The following EXOC6 variants were observed in gnomAD, a reference collection of about 807,000 sequenced individuals.
The protein encoded by EXOC6 is exocyst complex component 6.
EXOC6 carries 60 observed loss-of-function variants against 112.5 expected under a neutral mutation model. The observed-to-expected ratio is 0.53, with a 90% CI of 0.43 to 0.66. The LOEUF is 0.66. Among genes scored for constraint, EXOC6 ranks in the 30% least tolerant of loss-of-function variants. EXOC6 has a pLI of 0.00. For synonymous variants in EXOC6, 295 were observed against 308.0 expected, an observed-to-expected ratio of 0.96 and a Z score of 0.44; for missense variants, 855 against 957.1, an observed-to-expected ratio of 0.89 and a Z score of 1.41.
intron 1 of EXOC6, among the ~76,000 whole-genome samples, chr10:92,881,291 C>T (rs1310951173): frequency 6.6e-6 from 1 of 152,184 alleles, no homozygotes; most frequent in Non-Finnish European, 1.5e-5. Flanking sequence ...TTTGAAGTCA[C>T]ATAGTGTCAC....
At position 92,896,119 on chromosome 10, in the gene EXOC6, ATGTGTG is replaced by A. The variant is rs1198813076; in HGVS notation, c.412+1113_412+1118del. ...TGTGTGTATATATATGTGTATATAT[ATGTGTG>A]TGTGTGTGTGTGTATGTATGTGTAT... On this transcript the variant is annotated intron_variant, in intron 4 of 21. Coordinates refer to ENST00000260762, the MANE Select transcript of EXOC6 (RefSeq NM_019053.6). Among the ~76,000 whole-genome samples the A allele has an allele frequency of 3.7e-4, 8 of 21,706 alleles. 1 individual carries two copies. The highest frequency in any genetic ancestry group is 3.7e-3 in the Admixed American group (5 of 1,360). The allele number at this position is 21,706 out of a possible 152,430, so 14.2% of individuals were successfully genotyped here.
chr10:92,963,004 T>C (rs1854101934), intron 17 of EXOC6, among the ~76,000 whole-genome samples: 1 of 152,182 alleles, frequency 6.6e-6, no homozygotes. Context: ...TTGTATCAGT[T>C]TGGAGCATGG....
chr10:92,837,137 A>ACACACAC (rs1564760612), intron 1 of EXOC6, among the ~76,000 whole-genome samples: 5 of 66,986 alleles, frequency 7.5e-5, no homozygotes, highest in Non-Finnish European at 1.1e-4. Flanking sequence ...CACACACACA[A>ACACACAC]GCCAGAACAA....
chr10:92,999,542 A>G (rs1843656821), intron 19 of EXOC6, among the ~76,000 whole-genome samples: 1 of 152,138 alleles, frequency 6.6e-6, no homozygotes, highest in African/African-American at 2.4e-5. Context: ...AGTCCCTCTT[A>G]TCCACAGTTT....
rs148344131 is a variant in EXOC6 at position 92,863,527 on chromosome 10, G to A, written c.101+14893G>A. Among the ~76,000 whole-genome samples, 861 of 152,142 alleles carry A rather than the reference G, an allele frequency of 5.7e-3. 6 individuals are homozygous for A. Among genetic ancestry groups the A allele is most frequent in the African/African-American group, 0.017 (705 of 41,534 alleles). On this transcript the variant is annotated intron_variant, in intron 1 of 21. Coordinates refer to ENST00000260762, the MANE Select transcript of EXOC6 (RefSeq NM_019053.6). ...TGCAGTAGCTCATGCTTATAATTTC[G>A]GCACTTTGGGAGGCCAAGGCGGGAA... is the stretch of plus-strand genomic sequence containing the variant.
chr10:93,040,025 C>T (rs1845687719), intron 20 of EXOC6, among the ~76,000 whole-genome samples: 1 of 152,184 alleles, frequency 6.6e-6, no homozygotes, highest in African/African-American at 2.4e-5. Flanking sequence ...AGTGAAAGCT[C>T]CAGCCCCTCT....
intron 1 of EXOC6, among the ~76,000 whole-genome samples, chr10:92,852,558 G>A (rs1216849709): frequency 2.0e-5 from 3 of 152,116 alleles, no homozygotes; most frequent in African/African-American, 7.2e-5. Context: ...ATATGTGTGT[G>A]TATATATATG....
At chr10:92,941,516 T>C (rs749988987) in intron 13 of EXOC6, among the ~76,000 whole-genome samples, 4 of 152,226 alleles carry the variant, frequency 2.6e-5, no homozygotes, top group Non-Finnish European at 4.4e-5. Context: ...ACTGTTTCCA[T>C]AGTGGCTGTA....
At chr10:92,855,177 C>T (rs566741488) in intron 1 of EXOC6, among the ~76,000 whole-genome samples, 16 of 152,186 alleles carry the variant, frequency 1.1e-4, no homozygotes, top group Non-Finnish European at 2.1e-4. Context: ...CTTAGCCTCC[C>T]GAGTAGCTGG....
intron 5 of EXOC6, among the ~76,000 whole-genome samples, chr10:92,906,286 T>C (rs1363988370): frequency 6.6e-6 from 1 of 152,196 alleles, no homozygotes; most frequent in Non-Finnish European, 1.5e-5. Context: ...CCACTTAGAA[T>C]TTAATAAAAA....
At chr10:92,986,793 C>CTTATTAT (rs1035378741) in intron 18 of EXOC6, among the ~76,000 whole-genome samples, 1 of 149,264 alleles carries the variant, frequency 6.7e-6, no homozygotes, top group African/African-American at 2.5e-5. Flanking sequence ...TTAATTAATT[C>CTTATTAT]TTATTATTTA....
At chr10:92,851,077 A>ACAGC (rs1272452316) in intron 1 of EXOC6, among the ~76,000 whole-genome samples, 1 of 152,230 alleles carries the variant, frequency 6.6e-6, no homozygotes, top group African/African-American at 2.4e-5. Flanking sequence ...AAATGAAAAC[A>ACAGC]CAGCATATCA....
At chr10:92,978,354 G>A (rs564527063) in intron 18 of EXOC6, among the ~76,000 whole-genome samples, 61 of 152,194 alleles carry the variant, frequency 4.0e-4, no homozygotes, top group African/African-American at 1.2e-3. Context: ...AGGCTCCAGT[G>A]AGCCGTAATC....
intron 20 of EXOC6, among the ~76,000 whole-genome samples, chr10:93,051,704 A>G (rs75741983): frequency 1.3e-5 from 2 of 152,308 alleles, no homozygotes; most frequent in African/African-American, 2.4e-5. Context: ...CAATGTAGCT[A>G]ATTTAGTAAG....
intron 8 of EXOC6, among the ~76,000 whole-genome samples, chr10:92,927,397 A>G (rs1485639437): frequency 6.6e-6 from 1 of 152,210 alleles, no homozygotes; most frequent in Non-Finnish European, 1.5e-5. Context: ...GCATTCTTCT[A>G]AGTGATAGGG....
chr10:92,976,067 G>A (rs1166186732), intron 18 of EXOC6, among the ~76,000 whole-genome samples: 10 of 132,524 alleles, frequency 7.5e-5, no homozygotes, highest in South Asian at 2.5e-4. Context: ...TCAGCCCCCC[G>A]CCCGGCCAGC....
At chr10:92,913,089 T>C (rs896658694) in intron 6 of EXOC6, among the ~76,000 whole-genome samples, 1 of 152,222 alleles carries the variant, frequency 6.6e-6, no homozygotes, top group African/African-American at 2.4e-5. Context: ...GCATGCAGTT[T>C]TGTATTTACA....
At chr10:92,896,916 G>C (rs1849860276) in intron 4 of EXOC6, among the ~76,000 whole-genome samples, 1 of 152,066 alleles carries the variant, frequency 6.6e-6, no homozygotes, top group Non-Finnish European at 1.5e-5. Context: ...ATTCTACTCA[G>C]CTTAATCTCT....
At chr10:92,854,443 A>C (rs565374599) in intron 1 of EXOC6, among the ~76,000 whole-genome samples, 1 of 152,296 alleles carries the variant, frequency 6.6e-6, no homozygotes, top group African/African-American at 2.4e-5. Flanking sequence ...CTCAAAAAAA[A>C]AAAAAAGACT....
Sources: allele counts gnomAD v4.1 joint callset (sites outside exome capture counted in the v4.1 genomes callset), GRCh38; gene constraint gnomAD v4.1.1; transcripts MANE v1.5; gene names NCBI Gene and HGNC (gene_info 2026-07-23, HGNC 2026-07-21).